GAPVD1: variants seen among roughly 807,000 people sequenced by gnomAD.
GAPVD1 encodes the protein GTPase activating protein and VPS9 domains 1, also known as GTPase-activating protein and VPS9 domain-containing protein 1.
A neutral mutation model predicts 155.5 loss-of-function variants in GAPVD1; 35 were observed. The ratio of observed to expected loss-of-function variants is 0.23; its 90% CI spans 0.17 to 0.30. The LOEUF (loss-of-function observed/expected upper bound fraction) is 0.30, where lower values mean the gene tolerates loss of function less well. Ranked by LOEUF, GAPVD1 falls within the 10% of genes least tolerant of loss-of-function variation. The pLI, the probability that GAPVD1 is intolerant of heterozygous loss-of-function variation, is 1.00. For synonymous variants in GAPVD1, 636 were observed against 619.7 expected (o/e 1.03, Z -0.39); for missense variants, 1,429 against 1,775.7 (o/e 0.80, Z 3.51).
chr9:125,302,528 G>A lies in GAPVD1; in HGVS notation c.731G>A (p.Arg244Lys), dbSNP rs778815867. The change falls in exon 5 of 28, where the codon AGG becomes AAG. Residue 244 changes from arginine to lysine, a missense_variant. Physicochemically the swap from Arg to Lys is conservative, Grantham distance 26. This residue lies in a region of GAPVD1 where 628 missense variants were observed against 733.4 expected (regional missense o/e 0.86). Transcript: ENST00000297933. ...GGAGAGAAGGGCTCAGATAGATTCA[G>A]GCAAAAAGTTCAAGAAATGGTGGAG... The part of the protein sequence containing the change: ...LFGEKGSDRF[R>K]QKVQEMVESN... The A allele has an allele frequency of 7.4e-6, 12 of 1,613,852 alleles. No homozygotes were observed. The highest frequency in any genetic ancestry group is 1.3e-5 in the African/African-American group (1 of 74,900).
chr9:125,311,430 T>C (rs927018670), intron 8 of GAPVD1, among the ~76,000 whole-genome samples: 9 of 152,094 alleles, frequency 5.9e-5, no homozygotes, highest in African/African-American at 2.2e-4. Flanking sequence ...AAGACCAGCC[T>C]GAGCAACATG....
intron 8 of GAPVD1, among the ~76,000 whole-genome samples, chr9:125,311,414 G>T (rs905357283): frequency 1.3e-5 from 2 of 152,074 alleles, no homozygotes; most frequent in Non-Finnish European, 2.9e-5. Flanking sequence ...CTGAGATCAG[G>T]AGTTCAAGAC....
chr9:125,288,544 C>A (rs1230354688), intron 2 of GAPVD1, among the ~76,000 whole-genome samples: 1 of 152,064 alleles, frequency 6.6e-6, no homozygotes, highest in Non-Finnish European at 1.5e-5. Flanking sequence ...GAAATACCTC[C>A]TTTTCATTTT....
chr9:125,266,127 AT>A (rs67315433), intron 1 of GAPVD1, among the ~76,000 whole-genome samples: 72,427 of 138,294 alleles, frequency 0.52, 18,802 homozygotes, highest in African/African-American at 0.62. Context: ...GATATCTATA[AT>A]TTTTTTTTTT....
At chr9:125,335,278 C>A in intron 15 of GAPVD1, 1 of 656,532 alleles carries the variant, frequency 1.5e-6, no homozygotes, top group Non-Finnish European at 2.8e-6. Context: ...AAAATACTTG[C>A]AAAAAATGTG....
At chr9:125,323,591 C>T (rs1056831160) in intron 10 of GAPVD1, among the ~76,000 whole-genome samples, 2 of 152,220 alleles carry the variant, frequency 1.3e-5, no homozygotes, top group African/African-American at 2.4e-5. Context: ...AGGCATGAGG[C>T]ATTGCACCCA....
intron 9 of GAPVD1, among the ~76,000 whole-genome samples, chr9:125,318,247 A>C (rs1394670552): frequency 1.3e-5 from 2 of 152,210 alleles, no homozygotes; most frequent in Non-Finnish European, 2.9e-5. Context: ...TCAGCCTCCC[A>C]AAGTGTTGGG....
chr9:125,299,682 A>C (rs987813236), intron 4 of GAPVD1, among the ~76,000 whole-genome samples: 4 of 150,672 alleles, frequency 2.7e-5, no homozygotes, highest in Non-Finnish European at 5.9e-5. Flanking sequence ...ATGTTGTTGT[A>C]GAGAGTAAAT....
intron 1 of GAPVD1, chr9:125,263,935 GT>G: frequency 7.0e-7 from 1 of 1,435,338 alleles, no homozygotes; most frequent in Admixed American, 1.7e-5. Context: ...GTTCCTTCAT[GT>G]AGCCTTGAGA....
chr9:125,355,168 G>A (rs1486523548), intron 24 of GAPVD1, among the ~76,000 whole-genome samples: 1 of 152,124 alleles, frequency 6.6e-6, no homozygotes, highest in Non-Finnish European at 1.5e-5. Context: ...CCAGGCTGGA[G>A]TACAGTGGCG....
intron 8 of GAPVD1, among the ~76,000 whole-genome samples, chr9:125,309,582 G>GC (rs1488587524): frequency 1.3e-5 from 2 of 152,134 alleles, no homozygotes; most frequent in Admixed American, 6.6e-5. Context: ...TGATCCACCT[G>GC]CCTCGGCCTC....
rs529763103 is a variant in GAPVD1, at chr9:125,319,090, C to T, written c.1603-2343C>T. ...ACTTGGGAGGCTGAGACAGGAGAAT[C>T]GCTTGAAACTGGGAGGTGGAGGTGG... On this transcript the variant is annotated intron_variant, in intron 9 of 27. Transcript: ENST00000297933. 5.3e-5 allele frequency among the ~76,000 whole-genome samples: 8 copies of T among 152,042 alleles called. No individual in the cohort carries two copies. The South Asian group carries it at 6.2e-4, about 12-fold the overall frequency.
rs559799146 is a variant in GAPVD1 at position 125,346,944 on chromosome 9, G to T, written c.3169+3G>T. 24 of 1,612,214 alleles carry T rather than the reference G, an allele frequency of 1.5e-5. No individual in the cohort carries two copies. Among genetic ancestry groups the T allele is most frequent in the Non-Finnish European group, 2.0e-5 (24 of 1,178,396 alleles). On this transcript the variant is annotated splice_donor_region_variant and intron_variant, in intron 20 of 27. Transcript: ENST00000297933. ...AATGGCAAACTATGAAAGTACAGGT[G>T]ATAATCATGACAGAGATTTGAGTAG...
At chr9:125,288,435 A>G (rs1422193930) in intron 2 of GAPVD1, among the ~76,000 whole-genome samples, 3 of 151,832 alleles carry the variant, frequency 2.0e-5, no homozygotes, top group African/African-American at 7.3e-5. Flanking sequence ...GACAATTTAT[A>G]TTGTTCACAT....
intron 25 of GAPVD1, among the ~76,000 whole-genome samples, chr9:125,356,526 A>G (rs927590345): frequency 1.3e-5 from 2 of 151,906 alleles, no homozygotes; most frequent in Non-Finnish European, 2.9e-5. Context: ...GGGTCTTGCC[A>G]TGTCACCCAG....
chr9:125,355,503 T>TA lies in GAPVD1; in HGVS notation c.3758-138dup. On this transcript the variant is annotated intron_variant, in intron 24 of 27. Coordinates refer to ENST00000297933, the MANE Select transcript of GAPVD1 (RefSeq NM_001282680.3). Reference sequence around the variant, plus strand: ...TATATGGCTACATATTGTCCTAAAATAAACTACACTGAAACACTTTTGGCT... The same window carrying TA: ...TATATGGCTACATATTGTCCTAAAATAAAACTACACTGAAACACTTTTGGCT... The TA allele has an allele frequency of 6.8e-6, 4 of 592,350 alleles. No homozygotes were observed. The South Asian group carries it at 7.2e-5, about 11-fold the overall frequency. The allele number at this position is 592,350 out of a possible 1,614,324, so 36.7% of individuals were successfully genotyped here. A position where few individuals can be genotyped will look rare whatever the true frequency, so the allele number is the denominator to read the frequency against.
rs1841038469 is a variant in GAPVD1 at position 125,302,347 on chromosome 9, C to CT, written c.556dup (p.Ser186PhefsTer2). On this transcript the variant is annotated frameshift_variant, in exon 5 of 28. Coordinates refer to ENST00000297933, the MANE Select transcript of GAPVD1 (RefSeq NM_001282680.3). LOFTEE classifies it high-confidence loss of function. ...TTGTGCCTTCAGCATCTTATTTAAA[C>CT]TTTTTTCTGAAGGACTGTTTTCTGC... 1 of 1,613,946 alleles carries CT rather than the reference C, an allele frequency of 6.2e-7. No homozygotes were observed. The highest frequency in any genetic ancestry group is 1.3e-5 in the African/African-American group (1 of 74,904).
chr9:125,347,312 A>C (rs975192787), intron 20 of GAPVD1, among the ~76,000 whole-genome samples: 12 of 152,236 alleles, frequency 7.9e-5, no homozygotes, highest in African/African-American at 2.9e-4. Flanking sequence ...GGGACAAGTT[A>C]TCCATTGTCA....
At chr9:125,357,032 G>A (rs1850181276) in intron 25 of GAPVD1, among the ~76,000 whole-genome samples, 1 of 152,030 alleles carries the variant, frequency 6.6e-6, no homozygotes, top group Non-Finnish European at 1.5e-5. Flanking sequence ...GTCTCAAACT[G>A]CTAGACACAA....
Sources: gnomAD v4.1 joint callset for allele counts (sites outside exome capture counted in the v4.1 genomes callset) on GRCh38, gnomAD v4.1.1 for gene constraint, gnomAD v4.1.1 regional missense constraint, MANE v1.5 for transcripts, NCBI Gene and HGNC (gene_info 2026-07-23, HGNC 2026-07-21) for gene names.